AUTS2: variants seen among roughly 807,000 people sequenced by gnomAD.
AUTS2 encodes autism susceptibility gene 2 protein.
A neutral mutation model predicts 112.4 loss-of-function variants in AUTS2; 17 were observed. The observed-to-expected ratio is 0.15, with a 90% confidence interval of 0.10 to 0.23. The LOEUF is 0.23. AUTS2 is among the 10% of genes least tolerant of loss of function. AUTS2 has a pLI of 1.00. For synonymous variants in AUTS2, 751 were observed against 702.7 expected (o/e 1.07, Z -1.09); for missense variants, 1,510 against 1,701.6 (o/e 0.89, Z 1.98).
intron 1 of AUTS2, among the ~76,000 whole-genome samples, chr7:69,695,878 T>A (rs1386537240): frequency 6.6e-6 from 1 of 152,168 alleles, no homozygotes; most frequent in Admixed American, 6.5e-5. Context: ...TCTTGGTCAG[T>A]AGCTTCTGTA....
intron 5 of AUTS2, among the ~76,000 whole-genome samples, chr7:70,658,172 C>T (rs1456167757): frequency 1.3e-5 from 2 of 152,206 alleles, no homozygotes. Flanking sequence ...TTGATAGGTA[C>T]CTACTATGGA....
Position 70,766,383 on chromosome 7 carries a change from T to C in AUTS2, c.1689+49T>C, listed in dbSNP as rs1789947234. 6.2e-7 allele frequency: 1 copy of C among 1,601,994 alleles called. No individual in the cohort carries two copies. The highest frequency in any genetic ancestry group is 1.3e-5 in the African/African-American group (1 of 74,758). The stretch of plus-strand genomic sequence containing the variant: ...GAGGATAAGTAGAGCACGACTCTTT[T>C]CTTTATGCAGCACGTGGGACCGGGC... On this transcript the variant is annotated intron_variant, in intron 9 of 18. Transcript: ENST00000342771. This position sits in a 1 kb window ranked among gnomAD's most constrained non-coding sequence, Gnocchi z 4.8.
At chr7:69,847,102 C>G (rs1428575965) in intron 1 of AUTS2, among the ~76,000 whole-genome samples, 1 of 152,142 alleles carries the variant, frequency 6.6e-6, no homozygotes, top group Non-Finnish European at 1.5e-5. Context: ...CTCCCCTACC[C>G]CCCAGTACAT....
At chr7:69,805,104 A>T (rs1210491279) in intron 1 of AUTS2, among the ~76,000 whole-genome samples, 1 of 152,200 alleles carries the variant, frequency 6.6e-6, no homozygotes, top group East Asian at 1.9e-4. Flanking sequence ...GTGAGGATGG[A>T]CTGTGAATAT....
chr7:70,743,878 C>A (rs1788273651), intron 6 of AUTS2, among the ~76,000 whole-genome samples: 1 of 152,120 alleles, frequency 6.6e-6, no homozygotes, highest in Non-Finnish European at 1.5e-5. Context: ...TGCCTGGGAG[C>A]AATCATCATT....
Position 69,763,659 on chromosome 7 carries a change from A to G in AUTS2, c.310-135627A>G, listed in dbSNP as rs962024469. ...GATTACTTGCTTTTCTGTACAAAGT[A>G]TCTTTATTTCTGCATCTGTAAAGTG... On this transcript the variant is annotated intron_variant, in intron 1 of 18. Coordinates refer to ENST00000342771, the MANE Select transcript of AUTS2 (RefSeq NM_015570.4). Among the ~76,000 whole-genome samples, 5 of 152,180 alleles carry G rather than the reference A, an allele frequency of 3.3e-5. 1 individual carries two copies. The Middle Eastern group carries it at 9.5e-3, about 289-fold the overall frequency.
Position 69,972,666 on chromosome 7 carries a change from CGTGCAT to C in AUTS2, c.522+73172_522+73177del, listed in dbSNP as rs768666390. 9.3e-4 allele frequency among the ~76,000 whole-genome samples: 122 copies of C among 131,822 alleles called. 1 individual carries two copies. Among genetic ancestry groups the C allele is most frequent in the African/African-American group, 1.8e-3 (63 of 35,092 alleles). The allele number at this position is 131,822 out of a possible 152,430, so 86.5% of individuals were successfully genotyped here. A position where few individuals can be genotyped will look rare whatever the true frequency, so the allele number is the denominator to read the frequency against. ...CAAAGTTTTTCTTTGTGTGTGTGTG[CGTGCAT>C]GTGTGTGTGTGTGTGTGTGTGTGTG... On this transcript the variant is annotated intron_variant, in intron 2 of 18. Coordinates refer to ENST00000342771, the MANE Select transcript of AUTS2 (RefSeq NM_015570.4).
chr7:70,234,891 G>A (rs1211099885), intron 4 of AUTS2, among the ~76,000 whole-genome samples: 2 of 152,128 alleles, frequency 1.3e-5, no homozygotes, highest in Non-Finnish European at 2.9e-5. Context: ...CCGTCCTATG[G>A]CAGGGCAGGT....
intron 1 of AUTS2, among the ~76,000 whole-genome samples, chr7:69,777,648 A>G (rs188142743): frequency 9.3e-4 from 142 of 152,350 alleles, no homozygotes; most frequent in Non-Finnish European, 1.4e-3. Flanking sequence ...ATAGGTGACC[A>G]GTAAGTGTTG....
At chr7:70,128,285 A>G (rs1806084487) in intron 3 of AUTS2, among the ~76,000 whole-genome samples, 1 of 152,220 alleles carries the variant, frequency 6.6e-6, no homozygotes, top group Admixed American at 6.5e-5. Context: ...TAGTCTGGGC[A>G]TTTGAGGTTG....
intron 6 of AUTS2, among the ~76,000 whole-genome samples, chr7:70,720,941 G>A (rs193216976): frequency 6.6e-6 from 1 of 152,118 alleles, no homozygotes; most frequent in Admixed American, 6.5e-5. Context: ...TAAGCAAAGG[G>A]GTGTGTATTT....
rs570320185 is a variant in AUTS2, at chr7:70,452,376, G to C, written c.690+16595G>C. 6.6e-5 allele frequency among the ~76,000 whole-genome samples: 10 copies of C among 152,044 alleles called. No individual in the cohort carries two copies. The East Asian group carries it at 1.7e-3, about 26-fold the overall frequency. The stretch of plus-strand genomic sequence containing the variant: ...TGGGAGGCTGAGGGAGGAGGATTGC[G>C]TGAGCCCGGGAGGCGGAGGTTGCAG... On this transcript the variant is annotated intron_variant, in intron 5 of 18. Coordinates refer to ENST00000342771, the MANE Select transcript of AUTS2 (RefSeq NM_015570.4).
At chr7:70,585,860 G>T (rs1990067) in intron 5 of AUTS2, among the ~76,000 whole-genome samples, 151,369 of 151,712 alleles carry the variant, frequency 1, 75,513 homozygotes, top group Middle Eastern at 1. Flanking sequence ...ATTTATTTAT[G>T]TATGTATATA....
intron 4 of AUTS2, among the ~76,000 whole-genome samples, chr7:70,402,362 C>T (rs1049139906): frequency 6.6e-6 from 1 of 152,246 alleles, no homozygotes; most frequent in African/African-American, 2.4e-5. Context: ...AGCCACTCCA[C>T]TGAAGTGGGG....
At chr7:70,190,364 T>C (rs1809818107) in intron 4 of AUTS2, among the ~76,000 whole-genome samples, 1 of 152,228 alleles carries the variant, frequency 6.6e-6, no homozygotes, top group Non-Finnish European at 1.5e-5. Context: ...TCAAATATGA[T>C]AATTAGTATA....
At chr7:69,804,760 A>G (rs959213317) in intron 1 of AUTS2, among the ~76,000 whole-genome samples, 9 of 152,164 alleles carry the variant, frequency 5.9e-5, no homozygotes. Flanking sequence ...TCTGGATTTT[A>G]CTTCTTTACC....
intron 5 of AUTS2, among the ~76,000 whole-genome samples, chr7:70,455,985 C>T (rs555919118): frequency 2.0e-5 from 3 of 152,258 alleles, no homozygotes; most frequent in East Asian, 1.9e-4. Flanking sequence ...AGTCACCTAC[C>T]GGCCTCTAAA....
intron 5 of AUTS2, among the ~76,000 whole-genome samples, chr7:70,605,524 C>T (rs1289234424): frequency 8.8e-4 from 81 of 91,902 alleles, no homozygotes; most frequent in African/African-American, 1.2e-3. Context: ...TTTTTTTTTT[C>T]TTTCTTTCTT....
At chr7:70,568,096 CT>C (rs1364034731) in intron 5 of AUTS2, among the ~76,000 whole-genome samples, 1 of 152,162 alleles carries the variant, frequency 6.6e-6, no homozygotes, top group Admixed American at 6.5e-5. Flanking sequence ...AGCAGATGGT[CT>C]TTTTTGTTTT....
Sources: allele counts gnomAD v4.1 joint callset (sites outside exome capture counted in the v4.1 genomes callset), GRCh38; gene constraint gnomAD v4.1.1; non-coding constraint Gnocchi (gnomAD v3.1); transcripts MANE v1.5; gene names NCBI Gene and HGNC (gene_info 2026-07-23, HGNC 2026-07-21).